CASS4: variants seen among roughly 807,000 people sequenced by gnomAD.
CASS4 encodes cas scaffolding protein family member 4.
In CASS4, 22 loss-of-function variants were observed where a neutral mutation model predicts 54.2. The observed-to-expected ratio is 0.41, with a 90% confidence interval of 0.29 to 0.58. The LOEUF (loss-of-function observed/expected upper bound fraction) is 0.58, where lower values mean the gene tolerates loss of function less well. Among genes scored for constraint, CASS4 ranks in the 20% least tolerant of loss-of-function variants. The probability of loss-of-function intolerance (pLI) is 0.36; values close to 1 mark genes in which losing one functional copy is unlikely to be tolerated. For synonymous variants in CASS4, 409 were observed against 391.5 expected (o/e 1.04, Z -0.53); for missense variants, 854 against 986.7 (o/e 0.87, Z 1.80).
intron 1 of CASS4, among the ~76,000 whole-genome samples, chr20:56,428,741 T>C (rs778727445): frequency 2.6e-5 from 4 of 152,226 alleles, no homozygotes; most frequent in Non-Finnish European, 4.4e-5. Flanking sequence ...GAAACAGACT[T>C]GGACTTGGAA....
rs931117279 is a variant in CASS4 at position 56,458,285 on chromosome 20, C to A, written c.1954-55C>A. On this transcript the variant is annotated intron_variant, in intron 5 of 5. Transcript: ENST00000679887. ...TCTAGCCAAAACAGGAAAGGGCAGA[C>A]AGCCACAGCCCATTGATTGAATCTC... The A allele has an allele frequency of 4.0e-6, 6 of 1,509,796 alleles. No individual in the cohort carries two copies. In the African/African-American group the frequency reaches 8.3e-5, roughly 21 times the overall value. The allele number at this position is 1,509,796 out of a possible 1,614,324, so 93.5% of individuals were successfully genotyped here. A position where few individuals can be genotyped will look rare whatever the true frequency, so the allele number is the denominator to read the frequency against.
intron 2 of CASS4, 118 bp from the exon 3 acceptor site, chr20:56,445,782 C>T (rs1235816883): frequency 2.3e-5 from 16 of 709,008 alleles, no homozygotes; most frequent in Middle Eastern, 2.5e-4. Context: ...GGGTGCCGGG[C>T]GACCCCTTCA....
Position 56,417,028 on chromosome 20 carries a change from T to C in CASS4, c.36+4534T>C, listed in dbSNP as rs188915180. Among the ~76,000 whole-genome samples, 7 of 152,336 alleles carry C rather than the reference T, an allele frequency of 4.6e-5. No homozygotes were observed. The East Asian group carries it at 7.7e-4, about 17-fold the overall frequency. The stretch of plus-strand genomic sequence containing the variant: ...CACTCAAGAAGGATCAAGGTAAAAA[T>C]GTAGAATTTTTTAAAAAATCTTCCA... On this transcript the variant is annotated intron_variant, in intron 1 of 5. Coordinates refer to ENST00000679887, the MANE Select transcript of CASS4 (RefSeq NM_020356.4).
intron 2 of CASS4, among the ~76,000 whole-genome samples, 177 bp from the exon 3 acceptor site, chr20:56,445,723 G>A (rs1190000244): frequency 6.6e-6 from 1 of 152,212 alleles, no homozygotes; most frequent in Non-Finnish European, 1.5e-5. Flanking sequence ...CCACCGGGGA[G>A]CCTCCCACCC....
chr20:56,447,799 C>G (rs1352571969), intron 3 of CASS4, among the ~76,000 whole-genome samples: 1 of 152,206 alleles, frequency 6.6e-6, no homozygotes, highest in Non-Finnish European at 1.5e-5. Flanking sequence ...CACACAAGCT[C>G]CCTTTGCCAT....
chr20:56,436,937 C>T (rs1051871567), intron 1 of CASS4, among the ~76,000 whole-genome samples: 1 of 152,132 alleles, frequency 6.6e-6, no homozygotes, highest in African/African-American at 2.4e-5. Context: ...CATCCGACCT[C>T]GTCTCAGGAT....
chr20:56,427,173 T>TAAAAA (rs78321980), intron 1 of CASS4, among the ~76,000 whole-genome samples: 1 of 127,966 alleles, frequency 7.8e-6, no homozygotes, highest in Non-Finnish European at 1.7e-5. Flanking sequence ...CCCTGTCTCT[T>TAAAAA]AAAAAAAAAA....
chr20:56,427,734 TA>T (rs2146271238), intron 1 of CASS4, among the ~76,000 whole-genome samples: 1 of 152,302 alleles, frequency 6.6e-6, no homozygotes, highest in South Asian at 2.1e-4. Flanking sequence ...ATATTTATAG[TA>T]TATGCAGTTT....
intron 1 of CASS4, among the ~76,000 whole-genome samples, chr20:56,417,428 C>T (rs750883793): frequency 6.6e-5 from 10 of 152,218 alleles, no homozygotes; most frequent in Non-Finnish European, 1.2e-4. Flanking sequence ...CTCTGGACCA[C>T]GCTGTGCAAA....
intron 5 of CASS4, chr20:56,453,439 G>T (rs1482850533): frequency 4.7e-6 from 1 of 212,966 alleles, no homozygotes; most frequent in Non-Finnish European, 9.3e-6. Context: ...TATTTGAGTA[G>T]ATTTTTAAAA....
chr20:56,435,150 G>A (rs991669225), intron 1 of CASS4, among the ~76,000 whole-genome samples: 2 of 152,126 alleles, frequency 1.3e-5, no homozygotes, highest in Non-Finnish European at 1.5e-5. Flanking sequence ...TTGTAGTAGT[G>A]TTTCCCCTAA....
chr20:56,454,057 T>C (rs1330434537), intron 5 of CASS4, among the ~76,000 whole-genome samples: 1 of 152,038 alleles, frequency 6.6e-6, no homozygotes, highest in East Asian at 1.9e-4. Context: ...GGTGTGCGCC[T>C]GTAATTCCAG....
rs982693008 is a variant in CASS4 at position 56,460,313 on chromosome 20, A to G, written c.*1566A>G. ...AAAGTAATTGCGGTTTTTGCCGTAG[A>G]CAGTAATGGCAAAAACCACAATTGC... On this transcript the variant is annotated 3_prime_UTR_variant, in exon 6 of 6. Transcript: ENST00000679887. 2.6e-5 allele frequency: 4 copies of G among 152,346 alleles called. No homozygotes were observed. Among genetic ancestry groups the G allele is most frequent in the African/African-American group, 9.7e-5 (4 of 41,390 alleles). The allele number at this position is 152,346 out of a possible 1,614,324, so 9.4% of individuals were successfully genotyped here. A position where few individuals can be genotyped will look rare whatever the true frequency, so the allele number is the denominator to read the frequency against.
chr20:56,412,098 C>T (rs143418478), upstream of CASS4: 9 of 314,104 alleles, frequency 2.9e-5, no homozygotes, highest in Admixed American at 2.0e-4. This position sits in a 1 kb window ranked among gnomAD's most constrained non-coding sequence, Gnocchi z 4.2. Context: ...GTAGGAACTT[C>T]GCCCTATAAA....
intron 2 of CASS4, among the ~76,000 whole-genome samples, chr20:56,439,248 A>G (rs965662673): frequency 1.1e-4 from 17 of 152,158 alleles, no homozygotes; most frequent in African/African-American, 4.1e-4. Flanking sequence ...TGTTCACTGC[A>G]GCCTCAAACT....
chr20:56,442,674 A>G (rs951373487), intron 2 of CASS4, among the ~76,000 whole-genome samples: 15 of 151,240 alleles, frequency 9.9e-5, no homozygotes, highest in Non-Finnish European at 2.1e-4. Context: ...TTAAAAAAAA[A>G]ACCCACCACA....
intron 2 of CASS4, among the ~76,000 whole-genome samples, chr20:56,442,142 A>G (rs571522140): frequency 1.3e-5 from 2 of 151,794 alleles, no homozygotes; most frequent in Non-Finnish European, 2.9e-5. Flanking sequence ...ACTCCTTTCT[A>G]TATCTGTGTT....
At position 56,451,800 on chromosome 20, in the gene CASS4, A is replaced by C. The variant is rs1981011908; in HGVS notation, c.643-19A>C. 13 of 1,584,278 alleles carry C rather than the reference A, an allele frequency of 8.2e-6. No individual in the cohort carries two copies. The highest frequency in any genetic ancestry group is 1.1e-5 in the Non-Finnish European group (13 of 1,158,664). On this transcript the variant is annotated intron_variant, in intron 4 of 5. Transcript: ENST00000679887. The stretch of plus-strand genomic sequence containing the variant: ...TTGGAAAGCTACTAACCCGGCAACT[A>C]TGTGTGGTTCTCCCACAGGGGCAGG...
At chr20:56,423,137 A>C (rs1979488740) in intron 1 of CASS4, among the ~76,000 whole-genome samples, 1 of 152,256 alleles carries the variant, frequency 6.6e-6, no homozygotes, top group Admixed American at 6.5e-5. Context: ...ACCTCACAGC[A>C]TTCCTGCACA....
Sources: allele counts gnomAD v4.1 joint callset (sites outside exome capture counted in the v4.1 genomes callset), GRCh38; gene constraint gnomAD v4.1.1; non-coding constraint Gnocchi (gnomAD v3.1); transcripts MANE v1.5; gene names NCBI Gene and HGNC (gene_info 2026-07-23, HGNC 2026-07-21).